The following AFAP1L2 variants were observed in gnomAD, a reference collection of about 807,000 sequenced individuals.
AFAP1L2 encodes the protein actin filament associated protein 1 like 2, also known as actin filament-associated protein 1-like 2.
Under a neutral mutation model 99.3 loss-of-function variants are expected in AFAP1L2, and 46 were observed. The observed-to-expected ratio is 0.46, with a 90% CI of 0.37 to 0.59. AFAP1L2 has a LOEUF of 0.59. Ranked by LOEUF, AFAP1L2 falls within the 20% of genes least tolerant of loss-of-function variation. The probability of loss-of-function intolerance (pLI) is 0.00; values close to 1 mark genes in which losing one functional copy is unlikely to be tolerated. For synonymous variants in AFAP1L2, 397 were observed against 419.1 expected, an observed-to-expected ratio of 0.95 and a Z score of 0.64; for missense variants, 959 against 1,034.9, an observed-to-expected ratio of 0.93 and a Z score of 1.01.
Position 114,381,959 on chromosome 10 carries a change from T to A in AFAP1L2, c.16+22481A>T, listed in dbSNP as rs2055686659. On this transcript the variant is annotated intron_variant, in intron 1 of 18. Transcript: ENST00000304129. ...AGAAGTATAAATTATCAGGAAGAGATCCCATAAAGAGATAGCTTTGCCCCT... is the reference window on the plus strand; with the variant it reads ...AGAAGTATAAATTATCAGGAAGAGAACCCATAAAGAGATAGCTTTGCCCCT... 2.0e-5 allele frequency among the ~76,000 whole-genome samples: 3 copies of A among 152,042 alleles called. No individual in the cohort carries two copies. The South Asian group carries it at 6.2e-4, about 31-fold the overall frequency.
the AFAP1L2 span, chr10:114,282,703 TG>T: frequency 9.5e-6 from 7 of 733,492 alleles, no homozygotes; most frequent in Non-Finnish European, 9.7e-6. Context: ...ATGGGGCACT[TG>T]GGGGGCAGAG....
chr10:114,356,383 G>A (rs887973959), intron 1 of AFAP1L2, among the ~76,000 whole-genome samples: 4 of 151,960 alleles, frequency 2.6e-5, no homozygotes, highest in Admixed American at 2.0e-4. Flanking sequence ...AAGAAACTTC[G>A]GTTTCCCCCG....
the AFAP1L2 span, chr10:114,289,723 A>G: frequency 1.8e-6 from 1 of 568,538 alleles, no homozygotes; most frequent in East Asian, 3.0e-5. Context: ...CTCCCCCCAA[A>G]CTTGAGAATT....
upstream of AFAP1L2, chr10:114,404,520 C>A (rs1055025389): frequency 3.5e-5 from 53 of 1,498,252 alleles, 1 homozygote; most frequent in East Asian, 1.4e-3. Flanking sequence ...CTCGGCTCAG[C>A]GCCCAGGCCG....
At chr10:114,343,826 T>C (rs907535832) in intron 1 of AFAP1L2, among the ~76,000 whole-genome samples, 10 of 152,164 alleles carry the variant, frequency 6.6e-5, no homozygotes, top group African/African-American at 2.2e-4. Flanking sequence ...CATGCCCTGC[T>C]GTGACCAGAC....
chr10:114,331,783 G>T lies in AFAP1L2; in HGVS notation c.315+20C>A. ...AGGGGCTCACGTCAGGGAAATCAGG[G>T]GTCCTGAACTGATGCTTACCATCTT... On this transcript the variant is annotated intron_variant, in intron 4 of 18. Coordinates refer to ENST00000304129, the MANE Select transcript of AFAP1L2 (RefSeq NM_001001936.3). The T allele has an allele frequency of 7.5e-7, 1 of 1,337,104 alleles. No individual in the cohort carries two copies. Among genetic ancestry groups the T allele is most frequent in the Non-Finnish European group, 9.7e-7 (1 of 1,035,278 alleles). The allele number at this position is 1,337,104 out of a possible 1,614,324, so 82.8% of individuals were successfully genotyped here.
intron 18 of AFAP1L2, 81 bp from the exon 19 acceptor site, chr10:114,296,149 T>C (rs534656525): frequency 2.5e-6 from 4 of 1,583,514 alleles, no homozygotes; most frequent in Middle Eastern, 1.7e-4. Flanking sequence ...TTGATATACA[T>C]AGAAAAAATG....
In AFAP1L2 at chr10:114,323,259, A is replaced by G; in HGVS notation, c.318T>C (p.Ile106=). The stretch of plus-strand genomic sequence containing the variant: ...GGATGGCAAGCTGTTTCCGTTCTGG[A>G]ATCTGTGGTATGAACAAATAAGACA... The part of the protein sequence containing the change: ...SLPDLPPPKM[I]PERKQLAIPK... Residue 106 remains isoleucine, a splice_region_variant and synonymous_variant, in exon 5 of 19, where the codon ATT becomes ATC. Coordinates refer to ENST00000304129, the MANE Select transcript of AFAP1L2 (RefSeq NM_001001936.3). 6.3e-7 allele frequency: 1 copy of G among 1,591,396 alleles called. No individual in the cohort carries two copies. Among genetic ancestry groups the G allele is most frequent in the Non-Finnish European group, 8.6e-7 (1 of 1,167,324 alleles).
chr10:114,355,248 C>T lies in AFAP1L2; in HGVS notation c.17-14517G>A, dbSNP rs74669681. ...TCCCCCACAGAAGCCTTTCTCTTCT[C>T]GCTCTCTCTTTTTTTTTTTTTTTTG... On this transcript the variant is annotated intron_variant, in intron 1 of 18. Transcript: ENST00000304129. Among the ~76,000 whole-genome samples the T allele has an allele frequency of 2.4e-3, 277 of 113,486 alleles. 14 individuals are homozygous for T. The East Asian group carries it at 0.056, about 23-fold the overall frequency. 74.5% of individuals were successfully genotyped at this position (113,486 alleles called of 152,430 possible).
intron 2 of AFAP1L2, among the ~76,000 whole-genome samples, chr10:114,338,749 G>A (rs1159667718): frequency 4.6e-5 from 7 of 152,176 alleles, no homozygotes; most frequent in South Asian, 2.1e-4. Flanking sequence ...TGTGTTGGGC[G>A]GCTGGGAATG....
At chr10:114,336,247 T>G (rs948624814) in intron 2 of AFAP1L2, among the ~76,000 whole-genome samples, 1 of 152,154 alleles carries the variant, frequency 6.6e-6, no homozygotes, top group African/African-American at 2.4e-5. Flanking sequence ...GTGGGAAAAA[T>G]ACAGTAAACC....
chr10:114,373,437 C>A (rs759502794), intron 1 of AFAP1L2, among the ~76,000 whole-genome samples: 1 of 151,886 alleles, frequency 6.6e-6, no homozygotes, highest in Non-Finnish European at 1.5e-5. Context: ...ACCAGCCTGG[C>A]AAAAAGGCGA....
downstream of AFAP1L2, chr10:114,290,429 C>T (rs535577495): frequency 5.9e-6 from 9 of 1,536,042 alleles, no homozygotes; most frequent in East Asian, 2.0e-4. Flanking sequence ...TGCCAAGTCC[C>T]ACAAACTCAG....
intron 8 of AFAP1L2, 135 bp downstream of exon 8, chr10:114,310,219 T>C (rs1255496995): frequency 2.2e-6 from 2 of 912,592 alleles, no homozygotes; most frequent in Non-Finnish European, 3.2e-6. Context: ...GAGCCCACCC[T>C]GCCCGGCCTC....
chr10:114,398,220 G>A (rs1331801810), intron 1 of AFAP1L2, among the ~76,000 whole-genome samples: 2 of 152,154 alleles, frequency 1.3e-5, no homozygotes, highest in Non-Finnish European at 2.9e-5. Flanking sequence ...TGAATTTAAG[G>A]GTCTCTCCTA....
Position 114,313,976 on chromosome 10 carries a change from C to A in AFAP1L2, c.687G>T (p.Glu229Asp), listed in dbSNP as rs62641711. 2.5e-4 allele frequency: 409 copies of A among 1,614,118 alleles called. No homozygotes were observed. In the African/African-American group the frequency reaches 4.4e-3, roughly 17 times the overall value. The change falls in exon 7 of 19, where the codon GAG becomes GAT. Residue 229 changes from glutamate to aspartate, a missense_variant. Glu to Asp is a conservative substitution (Grantham distance 45, BLOSUM62 2). Around this residue, in one of 2 missense-constraint regions of AFAP1L2, gnomAD observed 383 missense variants for 472.8 expected, o/e 0.81. Transcript: ENST00000304129. ...NLLGSSVIHK[E>D]KQVRKKEHKL... ...TGTGCTCCTTCTTCCGCACTTGCTT[C>A]TCCTTGTGAATGACGCTGCTGCCCA...
At chr10:114,302,129 G>A (rs555819151) in intron 12 of AFAP1L2, 68 of 685,242 alleles carry the variant, frequency 9.9e-5, no homozygotes, top group Non-Finnish European at 1.1e-4. Flanking sequence ...CCCGGGGCCC[G>A]AAGCCTGGCT....
At chr10:114,288,429 A>C in the AFAP1L2 span, among the ~76,000 whole-genome samples, 2 of 152,248 alleles carry the variant, frequency 1.3e-5, no homozygotes, top group Admixed American at 6.5e-5. Context: ...CTGGGGATGG[A>C]TGAAGGCACA....
At chr10:114,306,904 C>A (rs564232904) in intron 10 of AFAP1L2, among the ~76,000 whole-genome samples, 1 of 152,090 alleles carries the variant, frequency 6.6e-6, no homozygotes, top group Non-Finnish European at 1.5e-5. Flanking sequence ...CTGGAGAAGC[C>A]GGAGAATGCA....
Sources: allele counts gnomAD v4.1 joint callset (sites outside exome capture counted in the v4.1 genomes callset), GRCh38; gene constraint gnomAD v4.1.1; regional missense constraint gnomAD v4.1.1; transcripts MANE v1.5; gene names NCBI Gene and HGNC (gene_info 2026-07-23, HGNC 2026-07-21).